The following MYO5B variants were observed in gnomAD, a reference collection of about 807,000 sequenced individuals.
MYO5B encodes myosin VB, also known as unconventional myosin-Vb.
Under a neutral mutation model 229.3 loss-of-function variants are expected in MYO5B, and 143 were observed. The observed-to-expected ratio is 0.62, with a 90% CI of 0.54 to 0.72. The LOEUF is 0.72. MYO5B is among the 30% of genes least tolerant of loss of function. MYO5B has a pLI of 0.00. For missense variants in MYO5B, 2,321 were observed against 2,331.0 expected (o/e 1.00, Z 0.09); for synonymous variants, 918 against 885.2 (o/e 1.04, Z -0.66).
chr18:49,827,756 A>G (rs2023864718), intron 39 of MYO5B, among the ~76,000 whole-genome samples: 1 of 152,052 alleles, frequency 6.6e-6, no homozygotes, highest in Non-Finnish European at 1.5e-5. Context: ...GCAACAAAAT[A>G]TTTGAAGAAA....
rs201797985 is a variant in MYO5B, at chr18:49,906,567, G to A, written c.2266C>T (p.Leu756=). ...IFFRAGQVAY[L]EKLRADKFRT... is the part of the protein sequence containing the mutation. ...AACTTGTCAGCCCGCAGCTTCTCCAGGTAGGCCACCTGGCCTGCTCGAAAG... is the reference window on the plus strand; with the variant it reads ...AACTTGTCAGCCCGCAGCTTCTCCAAGTAGGCCACCTGGCCTGCTCGAAAG... The change falls in exon 19 of 40, where the codon CTG becomes TTG. Residue 756 remains leucine (L), a synonymous_variant. Transcript: ENST00000285039. 7.4e-6 allele frequency: 12 copies of A among 1,614,042 alleles called. No homozygotes were observed. The South Asian group carries it at 1.2e-4, about 16-fold the overall frequency.
intron 17 of MYO5B, among the ~76,000 whole-genome samples, chr18:49,921,256 GTTT>G (rs11306054): frequency 3.4e-4 from 41 of 121,840 alleles, no homozygotes; most frequent in African/African-American, 7.7e-4. Flanking sequence ...TTCAAGCAGA[GTTT>G]TTTTTTTTTT....
At chr18:49,852,972 T>C (rs1431422467) in intron 31 of MYO5B, among the ~76,000 whole-genome samples, 1 of 152,254 alleles carries the variant, frequency 6.6e-6, no homozygotes, top group African/African-American at 2.4e-5. Context: ...CTCTGGCACC[T>C]GCTGGGGCTC....
rs375202395 is a variant in MYO5B at position 49,904,758 on chromosome 18, G to A, written c.2485C>T (p.Arg829Cys). The change falls in exon 20 of 40, where the codon CGC (arginine) becomes TGC (cysteine). Residue 829 changes from arginine to cysteine, a missense_variant. Coordinates refer to ENST00000285039, the MANE Select transcript of MYO5B (RefSeq NM_001080467.3). ...CTGCGGACCCTCTGGTAGGCCTGGC[G>A]GGCCCTCTGCATGCGGTAATGTTTC... is the stretch of plus-strand genomic sequence containing the variant. Reference protein sequence around the residue: ...LQKHYRMQRARQAYQRVRRAA... With the variant: ...LQKHYRMQRACQAYQRVRRAA... 3.3e-5 allele frequency: 54 copies of A among 1,613,888 alleles called. No individual in the cohort carries two copies. The highest frequency in any genetic ancestry group is 2.3e-4 in the African/African-American group (17 of 74,916).
At chr18:49,856,622 C>G (rs1040716740) in intron 30 of MYO5B, among the ~76,000 whole-genome samples, 191 bp downstream of exon 30, 3 of 152,244 alleles carry the variant, frequency 2.0e-5, no homozygotes, top group African/African-American at 2.4e-5. Context: ...ACCCAAACAA[C>G]CAGCCACCCT....
intron 34 of MYO5B, 110 bp downstream of exon 34, chr18:49,843,131 G>A: frequency 7.2e-7 from 1 of 1,389,880 alleles, no homozygotes; most frequent in South Asian, 1.2e-5. Context: ...TTCAAAGTTG[G>A]AGCCCTAGGA....
chr18:50,040,398 T>C, intron 2 of MYO5B, 84 bp from the exon 3 acceptor site: 1 of 1,277,586 alleles, frequency 7.8e-7, no homozygotes, highest in South Asian at 1.2e-5. Context: ...TTAGCTGGAA[T>C]CACCATCTTA....
chr18:49,875,635 AG>A, intron 26 of MYO5B, 51 bp downstream of exon 26: 1 of 1,611,544 alleles, frequency 6.2e-7, no homozygotes, highest in Non-Finnish European at 8.5e-7. Flanking sequence ...CACAAGAGCT[AG>A]ATTGTTCTCT....
At chr18:49,883,508 T>C (rs761580392) in intron 22 of MYO5B, among the ~76,000 whole-genome samples, 1 of 152,156 alleles carries the variant, frequency 6.6e-6, no homozygotes, top group Non-Finnish European at 1.5e-5. Context: ...TGGAAAGACA[T>C]CTTGAGATAA....
At chr18:50,109,128 C>A (rs553442130) in intron 1 of MYO5B, among the ~76,000 whole-genome samples, 1 of 152,322 alleles carries the variant, frequency 6.6e-6, no homozygotes, top group African/African-American at 2.4e-5. Context: ...CAGCTTCCAC[C>A]AAACTTCCAC....
In MYO5B at chr18:50,061,413, TGG is replaced by T. The variant is rs2030683164; in HGVS notation, c.28-6037_28-6036del. Among the ~76,000 whole-genome samples the T allele has an allele frequency of 3.3e-5, 5 of 152,328 alleles. No individual in the cohort carries two copies. In the South Asian group the frequency reaches 1.0e-3, roughly 32 times the overall value. On this transcript the variant is annotated intron_variant, in intron 1 of 39. Coordinates refer to ENST00000285039, the MANE Select transcript of MYO5B (RefSeq NM_001080467.3). ...TTGTCGAGAAATCCTGATGGGATTT[TGG>T]ATAGAATTAGAAAATGAGAAAAGGA...
intron 1 of MYO5B, among the ~76,000 whole-genome samples, chr18:50,067,328 C>T (rs1238847301): frequency 1.3e-5 from 2 of 152,102 alleles, no homozygotes; most frequent in African/African-American, 4.8e-5. Flanking sequence ...TATGGCTGGA[C>T]CCAAGGATTA....
chr18:50,051,028 C>A (rs923559789), intron 2 of MYO5B, among the ~76,000 whole-genome samples: 2 of 152,216 alleles, frequency 1.3e-5, no homozygotes, highest in Non-Finnish European at 2.9e-5. Flanking sequence ...TCATACTACT[C>A]TTATGTGTTT....
At chr18:50,018,142 A>T (rs112164711) in intron 4 of MYO5B, among the ~76,000 whole-genome samples, 7 of 152,296 alleles carry the variant, frequency 4.6e-5, no homozygotes, top group South Asian at 2.1e-4. Flanking sequence ...GGCTATTCAC[A>T]GTTGTGGTCA....
At chr18:50,172,459 T>G (rs1167729259) in intron 1 of MYO5B, among the ~76,000 whole-genome samples, 1 of 152,140 alleles carries the variant, frequency 6.6e-6, no homozygotes, top group Non-Finnish European at 1.5e-5. Context: ...GTCCTACCAC[T>G]GTGAGTTTTG....
chr18:49,977,361 G>A (rs756067473), intron 9 of MYO5B, among the ~76,000 whole-genome samples: 20 of 152,114 alleles, frequency 1.3e-4, no homozygotes, highest in Non-Finnish European at 2.4e-4. Flanking sequence ...TGGCAGTCAT[G>A]GAGCACATTC....
chr18:50,152,579 C>T (rs1275444115), intron 1 of MYO5B, among the ~76,000 whole-genome samples: 1 of 152,120 alleles, frequency 6.6e-6, no homozygotes, highest in African/African-American at 2.4e-5. Context: ...TAAAGACAAC[C>T]CACAGGTCTT....
intron 2 of MYO5B, among the ~76,000 whole-genome samples, chr18:50,048,555 G>A (rs1425974353): frequency 1.3e-5 from 2 of 152,262 alleles, no homozygotes; most frequent in East Asian, 3.9e-4. Flanking sequence ...TCCACCTGAA[G>A]TGATCAACAT....
chr18:49,975,130 A>G (rs1362283134), intron 9 of MYO5B, among the ~76,000 whole-genome samples: 2 of 152,200 alleles, frequency 1.3e-5, no homozygotes, highest in Non-Finnish European at 2.9e-5. Context: ...CCCAGAAAGC[A>G]ATTCTCTTCC....
Sources: allele counts gnomAD v4.1 joint callset (sites outside exome capture counted in the v4.1 genomes callset), GRCh38; gene constraint gnomAD v4.1.1; transcripts MANE v1.5; gene names NCBI Gene and HGNC (gene_info 2026-07-23, HGNC 2026-07-21).